APBB2: variants seen among roughly 807,000 people sequenced by gnomAD.
APBB2 encodes Fe65-like 1.
Under a neutral mutation model 82.5 loss-of-function variants are expected in APBB2, and 38 were observed. That is an observed-to-expected ratio of 0.46 (90% CI 0.36 to 0.60). The LOEUF is 0.60. APBB2 is among the 20% of genes least tolerant of loss of function. APBB2 has a pLI of 0.00. For missense variants in APBB2, 772 were observed against 972.3 expected, an observed-to-expected ratio of 0.79 and a Z score of 2.74; for synonymous variants, 341 against 368.2, an observed-to-expected ratio of 0.93 and a Z score of 0.85.
At chr4:40,886,868 C>T (rs569703570) in intron 12 of APBB2, among the ~76,000 whole-genome samples, 2 of 152,356 alleles carry the variant, frequency 1.3e-5, no homozygotes, top group South Asian at 2.1e-4. Context: ...CCCCTTGCCC[C>T]AGCCTCCATC....
intron 12 of APBB2, among the ~76,000 whole-genome samples, chr4:40,838,577 C>T (rs1040422178): frequency 1.8e-4 from 27 of 152,106 alleles, no homozygotes; most frequent in African/African-American, 6.0e-4. Flanking sequence ...CCTCGTGATC[C>T]GCCTGCCTCG....
In APBB2 at chr4:40,826,064, C is replaced by T. The variant is rs1451804904; in HGVS notation, c.1733-94G>A. The T allele has an allele frequency of 1.0e-5, 9 of 903,044 alleles. No homozygotes were observed. The highest frequency in any genetic ancestry group is 4.9e-5 in the East Asian group (2 of 41,154). 55.9% of individuals were successfully genotyped at this position (903,044 alleles called of 1,614,324 possible). ...CTGCATCATCTGAATGCTCAGGACA[C>T]GCCCTGTGCCATAACGCCCTATGTT... On this transcript the variant is annotated intron_variant, in intron 14 of 17. Transcript: ENST00000508593. The surrounding 1 kb of genome is among the most constrained non-coding windows in gnomAD (Gnocchi z 4.5).
intron 3 of APBB2, among the ~76,000 whole-genome samples, chr4:41,092,097 A>C (rs1741912830): frequency 6.6e-6 from 1 of 152,232 alleles, no homozygotes; most frequent in Non-Finnish European, 1.5e-5. Context: ...GCCAAAGCTG[A>C]TCTTCATTCA....
rs780132178 is a variant in APBB2 at position 40,836,144 on chromosome 4, G to A, written c.1530-5567C>T. On this transcript the variant is annotated intron_variant, in intron 12 of 17. Transcript: ENST00000508593. Reference sequence around the variant, plus strand: ...GGCAGGAGACATGGATCTGGGAGGTGGGTGAAGTCGGGGGAGCAGGTGAGA... The same window carrying A: ...GGCAGGAGACATGGATCTGGGAGGTAGGTGAAGTCGGGGGAGCAGGTGAGA... Among the ~76,000 whole-genome samples, 121 of 152,152 alleles carry A rather than the reference G, an allele frequency of 8.0e-4. 1 individual carries two copies. Among genetic ancestry groups the A allele is most frequent in the Non-Finnish European group, 1.4e-3 (98 of 68,016 alleles).
intron 3 of APBB2, among the ~76,000 whole-genome samples, chr4:41,074,902 AC>A (rs1375069219): frequency 1.3e-5 from 2 of 152,142 alleles, no homozygotes; most frequent in East Asian, 1.9e-4. Flanking sequence ...TAATCCCAGC[AC>A]TTTGGGAGGC....
chr4:40,837,698 C>T (rs533734383), intron 12 of APBB2, among the ~76,000 whole-genome samples: 4 of 152,342 alleles, frequency 2.6e-5, no homozygotes, highest in African/African-American at 7.2e-5. Flanking sequence ...CCATCTGCTG[C>T]CCATACATGG....
chr4:40,848,926 T>C, intron 12 of APBB2: 3 of 985,226 alleles, frequency 3.0e-6, no homozygotes, highest in Non-Finnish European at 3.6e-6. Context: ...GCTACCCTAT[T>C]TCCCTCTCTC....
At position 40,893,284 on chromosome 4, in the gene APBB2, G is replaced by A. The variant is rs1772598031; in HGVS notation, c.1382C>T (p.Thr461Ile). ...ACTTACCTCTCCCCAAATCCCGACT[G>A]TGTCTCGGATGTCATTTTTGCAGTA... ...LSYCKNDIRD[T>I]VGIWGEGKDM... The change falls in exon 11 of 18, where the codon ACA becomes ATA. Residue 461 changes from threonine to isoleucine, a missense_variant. Coordinates refer to ENST00000508593, the MANE Select transcript of APBB2 (RefSeq NM_004307.2). 2.5e-6 allele frequency: 4 copies of A among 1,613,678 alleles called. No homozygotes were observed. Among genetic ancestry groups the A allele is most frequent in the Middle Eastern group, 1.6e-4 (1 of 6,062 alleles).
chr4:41,155,941 T>C (rs1050333958), intron 1 of APBB2, among the ~76,000 whole-genome samples: 7 of 152,148 alleles, frequency 4.6e-5, no homozygotes, highest in Admixed American at 1.3e-4. Context: ...ATCTTATTTT[T>C]CCCCTTTGTT....
intron 1 of APBB2, among the ~76,000 whole-genome samples, chr4:41,159,173 T>TA (rs1162578618): frequency 2.6e-5 from 4 of 152,196 alleles, no homozygotes; most frequent in Non-Finnish European, 5.9e-5. Flanking sequence ...CACTAGGCCT[T>TA]AATGCTGCAT....
chr4:40,907,495 C>T (rs1777323204), intron 10 of APBB2, among the ~76,000 whole-genome samples: 1 of 149,978 alleles, frequency 6.7e-6, no homozygotes, highest in Non-Finnish European at 1.5e-5. Context: ...CTCAGCCTCC[C>T]AAGTAGCTGG....
At position 40,826,897 on chromosome 4, in the gene APBB2, AT is replaced by A; in HGVS notation, c.1732+234del. 1 of 433,242 alleles carries A rather than the reference AT, an allele frequency of 2.3e-6. No homozygotes were observed. The allele number at this position is 433,242 out of a possible 1,614,324, so 26.8% of individuals were successfully genotyped here. A position where few individuals can be genotyped will look rare whatever the true frequency, so the allele number is the denominator to read the frequency against. The stretch of plus-strand genomic sequence containing the variant: ...AACGAAGGCAAAAACTAAAGACAAT[AT>A]TCTTTAATCTTGTCCAATAACAACA... On this transcript the variant is annotated intron_variant, in intron 14 of 17. Transcript: ENST00000508593. This position sits in a 1 kb window ranked among gnomAD's most constrained non-coding sequence, Gnocchi z 4.5.
chr4:40,843,418 G>A (rs564178372), intron 12 of APBB2, among the ~76,000 whole-genome samples: 66 of 141,260 alleles, frequency 4.7e-4, no homozygotes, highest in African/African-American at 1.7e-3. Flanking sequence ...ACTAGTAAGT[G>A]GAGCAAAAAC....
chr4:41,191,937 AAAAT>A (rs141879003), intron 1 of APBB2, among the ~76,000 whole-genome samples: 19,250 of 152,184 alleles, frequency 0.13, 1,261 homozygotes, highest in Non-Finnish European at 0.15. Flanking sequence ...CAATAGTAGA[AAAAT>A]AAATAACCTG....
intron 2 of APBB2, among the ~76,000 whole-genome samples, chr4:41,138,578 G>A (rs1266386661): frequency 6.6e-6 from 1 of 152,160 alleles, no homozygotes; most frequent in Non-Finnish European, 1.5e-5. Context: ...AGATATAGGA[G>A]TGACTAAGAA....
intron 1 of APBB2, among the ~76,000 whole-genome samples, chr4:41,143,361 A>G (rs1456245093): frequency 6.6e-6 from 1 of 152,202 alleles, no homozygotes; most frequent in Non-Finnish European, 1.5e-5. Context: ...GGTTTGGCCT[A>G]GTGATTATGC....
At chr4:40,962,748 G>A (rs931193868) in intron 6 of APBB2, among the ~76,000 whole-genome samples, 1 of 151,948 alleles carries the variant, frequency 6.6e-6, no homozygotes, top group African/African-American at 2.4e-5. Context: ...AGGAGGAAGG[G>A]AGGGATTCAG....
rs986906203 is a variant in APBB2 at position 40,811,750 on chromosome 4, G to A, written c.*4342C>T. On this transcript the variant is annotated 3_prime_UTR_variant, in exon 18 of 18. Coordinates refer to ENST00000508593, the MANE Select transcript of APBB2 (RefSeq NM_004307.2). ...AATTATTTACCACCATATAATGCCT[G>A]AAACCATAATGAAATTTTGTTACTG... is the stretch of plus-strand genomic sequence containing the variant. 1 of 152,148 alleles carries A rather than the reference G, an allele frequency of 6.6e-6. No individual in the cohort carries two copies. The highest frequency in any genetic ancestry group is 6.5e-5 in the Admixed American group (1 of 15,272). 9.4% of individuals were successfully genotyped at this position (152,148 alleles called of 1,614,324 possible).
chr4:40,906,656 C>T (rs943138013), intron 10 of APBB2, among the ~76,000 whole-genome samples: 3 of 151,970 alleles, frequency 2.0e-5, no homozygotes, highest in African/African-American at 7.3e-5. Context: ...ATTTTCACAA[C>T]CCAGTGAACC....
Sources: gnomAD v4.1 joint callset for allele counts (sites outside exome capture counted in the v4.1 genomes callset) on GRCh38, gnomAD v4.1.1 for gene constraint, Gnocchi (gnomAD v3.1) non-coding constraint, MANE v1.5 for transcripts, NCBI Gene and HGNC (gene_info 2026-07-23, HGNC 2026-07-21) for gene names.